Variants in OVCH1 observed in about 807,000 individuals in gnomAD.
OVCH1 encodes ovochymase-1.
Under a neutral mutation model 138.4 loss-of-function variants are expected in OVCH1, and 139 were observed. That is an observed-to-expected ratio of 1.00 (90% confidence interval 0.87 to 1.16). OVCH1 has a LOEUF of 1.16. Ranked by LOEUF, OVCH1 falls within the 50% of genes most tolerant of loss-of-function variation. The probability of loss-of-function intolerance (pLI) is 0.00; values close to 1 mark genes in which losing one functional copy is unlikely to be tolerated. For missense variants in OVCH1, 1,367 were observed against 1,357.9 expected (o/e 1.01, Z -0.11); for synonymous variants, 453 against 467.8 (o/e 0.97, Z 0.41).
At chr12:29,467,101 G>GATA (rs1942346731) in intron 16 of OVCH1, among the ~76,000 whole-genome samples, 1 of 152,070 alleles carries the variant, frequency 6.6e-6, no homozygotes, top group African/African-American at 2.4e-5. Flanking sequence ...CCTGGTAGAT[G>GATA]ATAATGACTC....
intron 3 of OVCH1, among the ~76,000 whole-genome samples, chr12:29,422,048 A>G (rs75110175): frequency 0.027 from 4,128 of 152,198 alleles, 174 homozygotes; most frequent in African/African-American, 0.09. Context: ...AGATCTTAGG[A>G]AAAAAAGTTG....
intron 27 of OVCH1, among the ~76,000 whole-genome samples, chr12:29,433,052 T>TAA (rs1021410897): frequency 6.6e-6 from 1 of 151,974 alleles, no homozygotes; most frequent in Non-Finnish European, 1.5e-5. Context: ...GGAGTCTTGC[T>TAA]AAAAAAAAGA....
At chr12:29,447,455 A>T (rs1941649407) in intron 22 of OVCH1, among the ~76,000 whole-genome samples, 1 of 152,186 alleles carries the variant, frequency 6.6e-6, no homozygotes, top group African/African-American at 2.4e-5. Context: ...CTTTCTGAAG[A>T]GTAATTTAAC....
At chr12:29,489,652 C>G (rs1484811488) in exon 6 of OVCH1, 1 of 1,608,550 alleles carries the variant, frequency 6.2e-7, no homozygotes, top group African/African-American at 1.3e-5. Context: ...TCAGGGAAGC[C>G]AGCACACAGC....
In OVCH1 at chr12:29,414,020, CTT is replaced by C. The variant is rs74937229; in HGVS notation, c.*72-1297_*72-1296del. Among the ~76,000 whole-genome samples, 396 of 38,484 alleles carry C rather than the reference CTT, an allele frequency of 0.01. 4 individuals carry two copies. The East Asian group carries it at 0.19, about 18-fold the overall frequency. The allele number at this position is 38,484 out of a possible 152,430, so 25.2% of individuals were successfully genotyped here. A position where few individuals can be genotyped will look rare whatever the true frequency, so the allele number is the denominator to read the frequency against. ...GCTGGCTTTTCTCCTCTCTCTCTCT[CTT>C]TTTTTTTTTTTTTTTTTTTTGGAGT... is the stretch of plus-strand genomic sequence containing the variant. On this transcript the variant is annotated intron_variant and NMD_transcript_variant, in intron 3 of 4. Coordinates refer to the OVCH1 transcript ENST00000539117.
At position 29,476,987 on chromosome 12, in the gene OVCH1, T is replaced by A. The variant is rs951871103; in HGVS notation, c.1377+115A>T. On this transcript the variant is annotated intron_variant, in intron 12 of 27. Transcript: ENST00000318184. ...TTTCAGAGTAAAAAAAAATGGCAAA[T>A]GGCTAAAAGAAGCTCCTAGTCATAA... 91 of 1,248,964 alleles carry A rather than the reference T, an allele frequency of 7.3e-5. No homozygotes were observed. The Middle Eastern group carries it at 1.2e-3, about 16-fold the overall frequency. 77.4% of individuals were successfully genotyped at this position (1,248,964 alleles called of 1,614,324 possible). A position where few individuals can be genotyped will look rare whatever the true frequency, so the allele number is the denominator to read the frequency against.
chr12:29,409,173 AT>A (rs199817630), downstream of OVCH1, among the ~76,000 whole-genome samples: 10,778 of 151,944 alleles, frequency 0.071, 401 homozygotes, highest in Non-Finnish European at 0.082. Context: ...ATCATTTTTT[AT>A]TGCGTCTATT....
chr12:29,445,421 CT>C lies in OVCH1; in HGVS notation c.2756-19del. The C allele has an allele frequency of 6.3e-7, 1 of 1,588,138 alleles. No homozygotes were observed. Among genetic ancestry groups the C allele is most frequent in the Non-Finnish European group, 8.6e-7 (1 of 1,168,588 alleles). On this transcript the variant is annotated intron_variant, in intron 22 of 27. Coordinates refer to ENST00000318184, the Ensembl canonical transcript of OVCH1. ...TAATCCACCTAGGTTAAAAAGTGAA[CT>C]CTAGTAAAAAATAAGAATGAAAATT... is the stretch of plus-strand genomic sequence containing the variant.
chr12:29,415,377 C>T (rs2135876327), intron 3 of OVCH1, among the ~76,000 whole-genome samples: 1 of 152,248 alleles, frequency 6.6e-6, no homozygotes, highest in African/African-American at 2.4e-5. Flanking sequence ...ATTTTAAGGG[C>T]ACTAAATATC....
chr12:29,410,199 G>A (rs1234117225), downstream of OVCH1, among the ~76,000 whole-genome samples: 5 of 141,354 alleles, frequency 3.5e-5, no homozygotes, highest in East Asian at 4.1e-4. Flanking sequence ...GAGCCTATGT[G>A]TGTCTCTGCG....
intron 22 of OVCH1, among the ~76,000 whole-genome samples, chr12:29,449,602 G>C (rs2135938913): frequency 6.6e-6 from 1 of 152,076 alleles, no homozygotes; most frequent in Non-Finnish European, 1.5e-5. Flanking sequence ...GTATTCCTAG[G>C]TATTTTATTA....
At chr12:29,427,617 A>C in exon 28 of OVCH1, 1 of 1,551,378 alleles carries the variant, frequency 6.4e-7, no homozygotes, top group Non-Finnish European at 8.7e-7. Flanking sequence ...ATCTGCTGGC[A>C]CCTGGATCCT....
At chr12:29,475,483 A>C (rs931030228) in intron 13 of OVCH1, among the ~76,000 whole-genome samples, 1 of 152,086 alleles carries the variant, frequency 6.6e-6, no homozygotes, top group African/African-American at 2.4e-5. Flanking sequence ...TAAAAAAAAA[A>C]ACACCCAAGT....
intron 25 of OVCH1, among the ~76,000 whole-genome samples, chr12:29,440,356 T>C (rs1159784060): frequency 1.3e-5 from 2 of 152,182 alleles, no homozygotes; most frequent in Admixed American, 6.5e-5. Context: ...ATAATTGATA[T>C]TGCTAATGTA....
Position 29,497,039 on chromosome 12 carries a change from G to A in OVCH1, c.65-365C>T, listed in dbSNP as rs77654613. On this transcript the variant is annotated intron_variant, in intron 1 of 27. Transcript: ENST00000318184. ...TAATCCCAGCACTTTGGGAGGCCCA[G>A]GTAGGCTGATCACTTGAACCCAGGA... Among the ~76,000 whole-genome samples, 556 of 152,276 alleles carry A rather than the reference G, an allele frequency of 3.7e-3. 3 individuals are homozygous for A. The highest frequency in any genetic ancestry group is 4.4e-3 in the Non-Finnish European group (296 of 68,024).
downstream of OVCH1, among the ~76,000 whole-genome samples, chr12:29,408,978 A>G (rs1266302491): frequency 6.6e-6 from 1 of 152,110 alleles, no homozygotes; most frequent in Non-Finnish European, 1.5e-5. Flanking sequence ...TATTGCCACA[A>G]TTTCAGCTCC....
At chr12:29,451,104 G>C (rs930916426) in intron 22 of OVCH1, among the ~76,000 whole-genome samples, 1 of 151,842 alleles carries the variant, frequency 6.6e-6, no homozygotes, top group Non-Finnish European at 1.5e-5. Context: ...ACCACGGCAC[G>C]TGTATACCTT....
intron 18 of OVCH1, 95 bp from the exon 19 acceptor site, chr12:29,462,103 A>G (rs946276946): frequency 7.4e-7 from 1 of 1,348,456 alleles, no homozygotes; most frequent in Non-Finnish European, 1.0e-6. Flanking sequence ...CTGTACCAAC[A>G]TAGCTGAAGT....
At chr12:29,480,271 T>C (rs189939203) in intron 8 of OVCH1, among the ~76,000 whole-genome samples, 1 of 152,288 alleles carries the variant, frequency 6.6e-6, no homozygotes, top group African/African-American at 2.4e-5. Context: ...ATTAATTACA[T>C]CTCTCTGAGG....
Sources: allele counts gnomAD v4.1 joint callset (sites outside exome capture counted in the v4.1 genomes callset), GRCh38; gene constraint gnomAD v4.1.1; transcripts MANE v1.5; gene names NCBI Gene and HGNC (gene_info 2026-07-23, HGNC 2026-07-21).